PTMA: variants seen among roughly 807,000 people sequenced by gnomAD.
PTMA encodes the protein prothymosin alpha, also known as gene sequence 28.
In PTMA, 4 loss-of-function variants were observed where a neutral mutation model predicts 16.9. The observed-to-expected ratio is 0.24, with a 90% CI of 0.12 to 0.54. The LOEUF (loss-of-function observed/expected upper bound fraction) is 0.54. PTMA is among the 20% of genes least tolerant of loss of function. The probability of loss-of-function intolerance (pLI) is 0.95; values close to 1 mark genes in which losing one functional copy is unlikely to be tolerated. For missense variants in PTMA, 120 were observed against 137.7 expected (o/e 0.87, Z 0.64); for synonymous variants, 58 against 47.9 (o/e 1.21, Z -0.87).
chr2:231,711,611 G>A (rs2048519646), intron 2 of PTMA, 192 bp downstream of exon 2: 1 of 737,918 alleles, frequency 1.4e-6, no homozygotes, highest in Non-Finnish European at 2.2e-6. Context: ...AACCTTTCGA[G>A]CAGCGCCTGA....
chr2:231,708,704 A>C lies in PTMA; in HGVS notation c.-3A>C. On this transcript the variant is annotated 5_prime_UTR_variant, in exon 1 of 5. Coordinates refer to ENST00000409115, the MANE Select transcript of PTMA (RefSeq NM_002823.5). ...CTGCATCGGATCACCGGCGTGCCCC[A>C]CCATGTCAGACGCAGCCGTAGACAC... 1 of 1,602,688 alleles carries C rather than the reference A, an allele frequency of 6.2e-7. No individual in the cohort carries two copies. Among genetic ancestry groups the C allele is most frequent in the Non-Finnish European group, 8.5e-7 (1 of 1,179,544 alleles).
rs1391388158 is a variant in PTMA, at chr2:231,711,984, G to T, written c.211+1G>T. 1.3e-6 allele frequency: 2 copies of T among 1,565,824 alleles called. No individual in the cohort carries two copies. Among genetic ancestry groups the T allele is most frequent in the Admixed American group, 1.9e-5 (1 of 52,202 alleles). Reference sequence around the variant, plus strand: ...GAGGAGGAGGAAGAAGAAGGTGATGGTGAGTAGCCTTGTCTATCTTCCCCT... The same window carrying T: ...GAGGAGGAGGAAGAAGAAGGTGATGTTGAGTAGCCTTGTCTATCTTCCCCT... On this transcript the variant is annotated splice_donor_variant, in intron 3 of 4. Transcript: ENST00000409115. LOFTEE classifies it high-confidence loss of function.
rs563034434 is a variant in PTMA, at chr2:231,711,090, G to A, written c.46-258G>A. On this transcript the variant is annotated intron_variant, in intron 1 of 4. Coordinates refer to ENST00000409115, the MANE Select transcript of PTMA (RefSeq NM_002823.5). ...TCCTTTTTCCTGGGAAGCGCCAGGG[G>A]GCAGTGGGAACCGCCACCGGGGCCG... 1.3e-5 allele frequency: 5 copies of A among 372,786 alleles called. No individual in the cohort carries two copies. The East Asian group carries it at 2.1e-4, about 16-fold the overall frequency. 23.1% of individuals were successfully genotyped at this position (372,786 alleles called of 1,614,324 possible).
At position 231,713,181 on chromosome 2, in the gene PTMA, C is replaced by T. The variant is rs181944599; in HGVS notation, c.*330C>T. The T allele has an allele frequency of 2.7e-5, 13 of 472,940 alleles. No homozygotes were observed. Among genetic ancestry groups the T allele is most frequent in the African/African-American group, 1.2e-4 (6 of 48,914 alleles). The allele number at this position is 472,940 out of a possible 1,614,324, so 29.3% of individuals were successfully genotyped here. A position where few individuals can be genotyped will look rare whatever the true frequency, so the allele number is the denominator to read the frequency against. On this transcript the variant is annotated 3_prime_UTR_variant, in exon 5 of 5. Transcript: ENST00000409115. ...TAGGGTCAGCCATTTTTAATGATCT[C>T]GGATGACCAAACCAGCCTTCGGAGC...
chr2:231,709,589 C>G (rs2048489246), intron 1 of PTMA, among the ~76,000 whole-genome samples: 1 of 152,104 alleles, frequency 6.6e-6, no homozygotes, highest in South Asian at 2.1e-4. Context: ...CGACGCGGGC[C>G]AACACGGCGG....
chr2:231,710,320 G>A (rs752199818), intron 1 of PTMA: 3 of 1,236,642 alleles, frequency 2.4e-6, no homozygotes, highest in African/African-American at 3.1e-5. Flanking sequence ...CGCACTCGGC[G>A]GCCCCGGGCC....
At position 231,712,790 on chromosome 2, in the gene PTMA, CT is replaced by C. The variant is rs760052328; in HGVS notation, c.286-11del. 1.1e-5 allele frequency: 17 copies of C among 1,591,556 alleles called. No homozygotes were observed. Among genetic ancestry groups the C allele is most frequent in the Non-Finnish European group, 1.2e-5 (14 of 1,169,190 alleles). On this transcript the variant is annotated splice_polypyrimidine_tract_variant and intron_variant, in intron 4 of 4. Coordinates refer to ENST00000409115, the MANE Select transcript of PTMA (RefSeq NM_002823.5). ...TGGGGTTGGAGGGGCCTTTGACAGT[CT>C]TTCTCTGCTTAGGATGACGATGTCG... is the stretch of plus-strand genomic sequence containing the variant.
chr2:231,710,291 G>C (rs766836862), intron 1 of PTMA: 12 of 1,281,504 alleles, frequency 9.4e-6, no homozygotes, highest in Non-Finnish European at 1.2e-5. Flanking sequence ...TGCCGGCCGG[G>C]AGTCTCCAAG....
At chr2:231,710,634 G>C (rs2048506060) in intron 1 of PTMA, 3 of 457,712 alleles carry the variant, frequency 6.6e-6, no homozygotes, top group South Asian at 3.2e-5. Context: ...GGCGCCCGGG[G>C]CCGCGCTGCC....
chr2:231,710,418 G>T (rs1479556158), intron 1 of PTMA: 9 of 1,154,896 alleles, frequency 7.8e-6, no homozygotes, highest in Non-Finnish European at 7.5e-6. Flanking sequence ...CGACCTCCCT[G>T]CCCCCACTGC....
intron 4 of PTMA, 88 bp downstream of exon 4, chr2:231,712,604 G>A (rs920641455): frequency 6.8e-7 from 1 of 1,460,458 alleles, no homozygotes; most frequent in Admixed American, 1.8e-5. Context: ...CGGAGGGACT[G>A]TTTCTGACTT....
At position 231,708,661 on chromosome 2, in the gene PTMA, C is replaced by T. The variant is rs919055922; in HGVS notation, c.-46C>T. ...TTTATCGCCAGAGTCCCTGAACTCT[C>T]GCTTTCTTTTTAATCCCCTGCATCG... On this transcript the variant is annotated 5_prime_UTR_variant, in exon 1 of 5. Transcript: ENST00000409115. 3 of 1,597,858 alleles carry T rather than the reference C, an allele frequency of 1.9e-6. No homozygotes were observed. Among genetic ancestry groups the T allele is most frequent in the Admixed American group, 3.3e-5 (2 of 59,950 alleles).
intron 1 of PTMA, chr2:231,710,357 C>A (rs551258068): frequency 5.4e-5 from 65 of 1,205,454 alleles, no homozygotes; most frequent in Non-Finnish European, 5.9e-5. Context: ...CGGTGCGTGC[C>A]GAGGCCCGCG....
In PTMA at chr2:231,708,576, C is replaced by A; in HGVS notation, c.-131C>A. The A allele has an allele frequency of 1.8e-6, 2 of 1,090,658 alleles. No individual in the cohort carries two copies. The highest frequency in any genetic ancestry group is 1.4e-6 in the Non-Finnish European group (1 of 728,458). The allele number at this position is 1,090,658 out of a possible 1,614,324, so 67.6% of individuals were successfully genotyped here. A position where few individuals can be genotyped will look rare whatever the true frequency, so the allele number is the denominator to read the frequency against. On this transcript the variant is annotated 5_prime_UTR_variant, in exon 1 of 5. Transcript: ENST00000409115. ...TCTTTGCATTGTTCCTCATCCGCCT[C>A]CTTGCTCGCCGCAGCCGCCTCCGCC...
At chr2:231,712,559 C>G (rs769899654) in intron 4 of PTMA, 43 bp downstream of exon 4, 2 of 1,593,108 alleles carry the variant, frequency 1.3e-6, no homozygotes, top group African/African-American at 1.3e-5. Flanking sequence ...GCATCTGGGT[C>G]TCCCCACCTG....
intron 3 of PTMA, among the ~76,000 whole-genome samples, 168 bp from the exon 4 acceptor site, chr2:231,712,275 C>T (rs957860680): frequency 1.3e-5 from 2 of 152,122 alleles, no homozygotes; most frequent in Non-Finnish European, 2.9e-5. Context: ...GGCCTCTCTC[C>T]TCTGGAGAGT....
Position 231,708,812 on chromosome 2 carries a change from G to C in PTMA, c.45+61G>C, listed in dbSNP as rs558465855. Reference sequence around the variant, plus strand: ...CGCGCCGCCGCTCGGGCGGTGTTTGGCGCGCAGCAGCTGGACTGTCTCAAG... The same window carrying C: ...CGCGCCGCCGCTCGGGCGGTGTTTGCCGCGCAGCAGCTGGACTGTCTCAAG... On this transcript the variant is annotated intron_variant, in intron 1 of 4. Coordinates refer to ENST00000409115, the MANE Select transcript of PTMA (RefSeq NM_002823.5). 1.4e-4 allele frequency: 213 copies of C among 1,562,336 alleles called. No individual in the cohort carries two copies. The African/African-American group carries it at 2.3e-3, about 17-fold the overall frequency.
Position 231,712,837 on chromosome 2 carries a change from G to A in PTMA, c.319G>A (p.Asp107Asn), listed in dbSNP as rs11558918. ...DDVDTKKQKTDEDD is the reference protein window; with the variant it reads ...DDVDTKKQKTNEDD ...TGTCGATACCAAGAAGCAGAAGACC[G>A]ACGAGGATGACTAGACAGCAAAAAA... Residue 107 changes from aspartate to asparagine, a missense_variant, in exon 5 of 5, where the codon GAC becomes AAC. By Grantham distance (23) the Asp-to-Asn change is conservative (BLOSUM62 1). Coordinates refer to ENST00000409115, the MANE Select transcript of PTMA (RefSeq NM_002823.5). The A allele has an allele frequency of 8.3e-5, 131 of 1,583,066 alleles. No individual in the cohort carries two copies. In the Middle Eastern group the frequency reaches 2.5e-3, roughly 30 times the overall value.
chr2:231,712,371 T>C (rs930617663), intron 3 of PTMA, 72 bp from the exon 4 acceptor site: 3 of 1,499,000 alleles, frequency 2.0e-6, no homozygotes, highest in Admixed American at 3.4e-5. Context: ...GTCCACTACA[T>C]GTTCCTCGGG....
Sources: gnomAD v4.1 joint callset for allele counts (sites outside exome capture counted in the v4.1 genomes callset) on GRCh38, gnomAD v4.1.1 for gene constraint, MANE v1.5 for transcripts, NCBI Gene and HGNC (gene_info 2026-07-23, HGNC 2026-07-21) for gene names.